Variants in EFCAB14 observed in about 807,000 individuals in gnomAD.
The protein encoded by EFCAB14 is EF-hand calcium-binding domain-containing protein 14.
EFCAB14 carries 43 observed loss-of-function variants against 56.5 expected under a neutral mutation model. The observed-to-expected ratio is 0.76, with a 90% CI of 0.60 to 0.98. The LOEUF is 0.98. Among genes scored for constraint, EFCAB14 ranks in the 50% least tolerant of loss-of-function variants. The probability of loss-of-function intolerance (pLI) is 0.00; values close to 1 mark genes in which losing one functional copy is unlikely to be tolerated. For synonymous variants in EFCAB14, 235 were observed against 212.9 expected (o/e 1.10, Z -0.90); for missense variants, 538 against 580.3 (o/e 0.93, Z 0.75).
At chr1:46,704,961 G>A (rs970656317) in intron 3 of EFCAB14, among the ~76,000 whole-genome samples, 1 of 150,638 alleles carries the variant, frequency 6.6e-6, no homozygotes, top group Non-Finnish European at 1.5e-5. Flanking sequence ...CTCGTTAAGT[G>A]ATATAATAAC....
intron 2 of EFCAB14, among the ~76,000 whole-genome samples, chr1:46,711,258 G>GA (rs1677304264): frequency 6.6e-6 from 1 of 152,160 alleles, no homozygotes; most frequent in African/African-American, 2.4e-5. Flanking sequence ...TCATTTCACT[G>GA]AATTTCCTAT....
chr1:46,687,100 G>A (rs1342872383), intron 7 of EFCAB14, among the ~76,000 whole-genome samples: 1 of 152,164 alleles, frequency 6.6e-6, no homozygotes, highest in African/African-American at 2.4e-5. Flanking sequence ...TTAAGGCTTT[G>A]AAGGATAAAA....
chr1:46,683,782 C>G lies in EFCAB14; in HGVS notation c.1187-357G>C, dbSNP rs3816204. Among the ~76,000 whole-genome samples the G allele has an allele frequency of 2.1e-3, 315 of 152,326 alleles. 7 individuals carry two copies. Among genetic ancestry groups the G allele is most frequent in the East Asian group, 0.014 (73 of 5,190 alleles). ...GACATCCTGGGAGATGTGCTTTAAA[C>G]CCAGTCTAGGGGTATGTGCCACCCG... is the stretch of plus-strand genomic sequence containing the variant. On this transcript the variant is annotated intron_variant, in intron 9 of 10. Transcript: ENST00000371933.
At position 46,677,107 on chromosome 1, in the gene EFCAB14, C is replaced by T. The variant is rs1676707672; in HGVS notation, c.*1354G>A. 1 of 152,626 alleles carries T rather than the reference C, an allele frequency of 6.6e-6. No individual in the cohort carries two copies. The highest frequency in any genetic ancestry group is 2.1e-4 in the South Asian group (1 of 4,828). The allele number at this position is 152,626 out of a possible 1,614,324, so 9.5% of individuals were successfully genotyped here. A position where few individuals can be genotyped will look rare whatever the true frequency, so the allele number is the denominator to read the frequency against. On this transcript the variant is annotated 3_prime_UTR_variant, in exon 11 of 11. Transcript: ENST00000371933. The stretch of plus-strand genomic sequence containing the variant: ...AAGAACAACACAGCAATTCTAGACT[C>T]AACATACAGGAGACATGGAGGTATT...
In EFCAB14 at chr1:46,678,184, A is replaced by G; in HGVS notation, c.*277T>C. 1 of 274,780 alleles carries G rather than the reference A, an allele frequency of 3.6e-6. No homozygotes were observed. Among genetic ancestry groups the G allele is most frequent in the Non-Finnish European group, 6.7e-6 (1 of 148,612 alleles). The allele number at this position is 274,780 out of a possible 1,614,324, so 17.0% of individuals were successfully genotyped here. A position where few individuals can be genotyped will look rare whatever the true frequency, so the allele number is the denominator to read the frequency against. ...AGGTCTCCTCCCCTCAAAAAAAGGA[A>G]AGAGAAAAAAAGAGGGCTTTAATTT... On this transcript the variant is annotated 3_prime_UTR_variant, in exon 11 of 11. Transcript: ENST00000371933.
intron 8 of EFCAB14, 157 bp downstream of exon 8, chr1:46,686,627 C>A: frequency 1.3e-6 from 1 of 761,136 alleles, no homozygotes; most frequent in Non-Finnish European, 2.2e-6. Flanking sequence ...AAAAAGTATT[C>A]ATTTATTCAC....
chr1:46,716,507 A>T (rs1039327667), intron 1 of EFCAB14, 64 bp from the exon 2 acceptor site: 3 of 1,574,020 alleles, frequency 1.9e-6, no homozygotes, highest in Non-Finnish European at 1.7e-6. Flanking sequence ...TTTATTAGCA[A>T]TAGTACACGT....
rs1052949606 is a variant in EFCAB14 at position 46,693,936 on chromosome 1, C to T, written c.580-1999G>A. Among the ~76,000 whole-genome samples the T allele has an allele frequency of 3.3e-5, 5 of 152,264 alleles. No individual in the cohort carries two copies. In the South Asian group the frequency reaches 6.2e-4, roughly 19 times the overall value. On this transcript the variant is annotated intron_variant, in intron 4 of 10. Transcript: ENST00000371933. ...CAGAAATAATACCACACATCTACAACCATCTGATCTTTGACAAACCTGACA... is the reference window on the plus strand; with the variant it reads ...CAGAAATAATACCACACATCTACAATCATCTGATCTTTGACAAACCTGACA...
At chr1:46,715,238 G>A (rs987612820) in intron 2 of EFCAB14, among the ~76,000 whole-genome samples, 2 of 152,134 alleles carry the variant, frequency 1.3e-5, no homozygotes, top group Admixed American at 6.5e-5. Context: ...AGATCTGTAG[G>A]CACTTGAAGA....
intron 2 of EFCAB14, among the ~76,000 whole-genome samples, chr1:46,714,888 ACT>A (rs1033057443): frequency 2.0e-5 from 3 of 152,248 alleles, no homozygotes; most frequent in Admixed American, 1.3e-4. Context: ...AATATACAAA[ACT>A]CTGTGACTTC....
chr1:46,682,938 C>T (rs1002675539), intron 10 of EFCAB14, among the ~76,000 whole-genome samples: 3 of 152,174 alleles, frequency 2.0e-5, no homozygotes, highest in Admixed American at 6.5e-5. Flanking sequence ...ATGAGAATTG[C>T]TTAACCCTGG....
intron 5 of EFCAB14, among the ~76,000 whole-genome samples, chr1:46,691,604 T>G (rs574880901): frequency 3.9e-5 from 6 of 152,378 alleles, no homozygotes; most frequent in South Asian, 4.1e-4. Flanking sequence ...TGTGTCTTAT[T>G]ACCTTACCTC....
At chr1:46,697,571 C>T (rs893112729) in intron 3 of EFCAB14, among the ~76,000 whole-genome samples, 2 of 152,130 alleles carry the variant, frequency 1.3e-5, no homozygotes. Context: ...CTCAGAGTAC[C>T]CACCAGTTTC....
chr1:46,704,299 AAGAG>A (rs933681361), intron 3 of EFCAB14, among the ~76,000 whole-genome samples: 6 of 151,778 alleles, frequency 4.0e-5, no homozygotes, highest in Admixed American at 3.3e-4. Context: ...AAAAAGAAAA[AAGAG>A]AGAGAAAGAG....
Position 46,718,298 on chromosome 1 carries a change from GA to G in EFCAB14, c.-212del, listed in dbSNP as rs1395808254. 1.2e-5 allele frequency: 6 copies of G among 518,910 alleles called. No homozygotes were observed. The highest frequency in any genetic ancestry group is 1.1e-4 in the African/African-American group (6 of 52,706). The allele number at this position is 518,910 out of a possible 1,614,324, so 32.1% of individuals were successfully genotyped here. A position where few individuals can be genotyped will look rare whatever the true frequency, so the allele number is the denominator to read the frequency against. ...GAAACTGGAACTCAGATGGGTGGGG[GA>G]AATCACATAGAAATGGCCAAGGAGC... On this transcript the variant is annotated 5_prime_UTR_variant, in exon 1 of 11. Transcript: ENST00000371933.
At chr1:46,688,712 C>T (rs1676929661) in intron 6 of EFCAB14, among the ~76,000 whole-genome samples, 168 bp from the exon 7 acceptor site, 3 of 152,156 alleles carry the variant, frequency 2.0e-5, no homozygotes. Context: ...CTCTAAATTG[C>T]TCCTTTTGGA....
At chr1:46,684,425 C>A in intron 9 of EFCAB14, 66 bp downstream of exon 9, 1 of 1,309,912 alleles carries the variant, frequency 7.6e-7, no homozygotes. Context: ...ACCTTCCCTG[C>A]TCCCCATGTG....
chr1:46,707,307 C>G (rs1163689370), intron 3 of EFCAB14, among the ~76,000 whole-genome samples: 2 of 152,218 alleles, frequency 1.3e-5, no homozygotes, highest in South Asian at 4.1e-4. Flanking sequence ...CTTATACATA[C>G]AAGATGCTTG....
chr1:46,685,361 G>A (rs1193337192), intron 8 of EFCAB14, among the ~76,000 whole-genome samples: 2 of 152,140 alleles, frequency 1.3e-5, no homozygotes, highest in East Asian at 3.8e-4. Flanking sequence ...CTGATCCTAT[G>A]TTTAATTAGA....
Sources: allele counts gnomAD v4.1 joint callset (sites outside exome capture counted in the v4.1 genomes callset), GRCh38; gene constraint gnomAD v4.1.1; transcripts MANE v1.5; gene names NCBI Gene and HGNC (gene_info 2026-07-23, HGNC 2026-07-21).